Variants in KMT5A observed in about 807,000 individuals in gnomAD.
KMT5A encodes lysine methyltransferase 5A.
Under a neutral mutation model 40.6 loss-of-function variants are expected in KMT5A, and 6 were observed. The ratio of observed to expected loss-of-function variants is 0.15; its 90% CI spans 0.08 to 0.29. The LOEUF (loss-of-function observed/expected upper bound fraction) is 0.29. Ranked by LOEUF, KMT5A falls within the 10% of genes least tolerant of loss-of-function variation. The pLI is 1.00. For synonymous variants in KMT5A, 153 were observed against 178.8 expected, an observed-to-expected ratio of 0.86 and a Z score of 1.15; for missense variants, 308 against 459.1, an observed-to-expected ratio of 0.67 and a Z score of 3.01.
At chr12:123,402,354 C>T (rs970722280) in intron 5 of KMT5A, among the ~76,000 whole-genome samples, 1 of 152,200 alleles carries the variant, frequency 6.6e-6, no homozygotes, top group Non-Finnish European at 1.5e-5. Context: ...GGATTTGGGA[C>T]TGTCCTTGAG....
At chr12:123,397,747 A>C (rs1016764407) in intron 5 of KMT5A, among the ~76,000 whole-genome samples, 1 of 149,190 alleles carries the variant, frequency 6.7e-6, no homozygotes, top group Non-Finnish European at 1.5e-5. Flanking sequence ...ACTCACCGCA[A>C]CCTCCATCTC....
At chr12:123,397,842 T>C (rs990904916) in intron 5 of KMT5A, among the ~76,000 whole-genome samples, 2 of 658 alleles carry the variant, frequency 3.0e-3, no homozygotes, top group African/African-American at 0.02. Flanking sequence ...AATTTTGTAT[T>C]TTTTTTTTTT....
intron 6 of KMT5A, among the ~76,000 whole-genome samples, chr12:123,404,022 G>C (rs1026100345): frequency 3.3e-5 from 5 of 151,992 alleles, no homozygotes; most frequent in Non-Finnish European, 7.4e-5. Flanking sequence ...CCCCTGCCCA[G>C]CCCCTGGCAG....
chr12:123,386,870 T>C (rs983894952), intron 1 of KMT5A, among the ~76,000 whole-genome samples: 1 of 152,092 alleles, frequency 6.6e-6, no homozygotes, highest in Admixed American at 6.6e-5. Flanking sequence ...TTCTTTTTTT[T>C]TGGGAGACAG....
chr12:123,397,635 G>T (rs1268275374), intron 5 of KMT5A, among the ~76,000 whole-genome samples: 1 of 148,188 alleles, frequency 6.7e-6, no homozygotes, highest in Non-Finnish European at 1.5e-5. Flanking sequence ...TAAAACATTT[G>T]TCAGCAGTGG....
intron 6 of KMT5A, 87 bp from the exon 7 acceptor site, chr12:123,404,797 G>C (rs1381446362): frequency 9.7e-6 from 13 of 1,334,408 alleles, no homozygotes; most frequent in Non-Finnish European, 1.2e-5. Flanking sequence ...TTAAAGACTG[G>C]GGTAAGCCCC....
At chr12:123,398,430 G>A (rs28546238) in intron 5 of KMT5A, among the ~76,000 whole-genome samples, 134,365 of 152,224 alleles carry the variant, frequency 0.88, 59,423 homozygotes, top group Middle Eastern at 0.95. Flanking sequence ...ACTTTAGGGT[G>A]GGGGGAGCCG....
Position 123,407,996 on chromosome 12 carries a change from ACT to A in KMT5A, c.*295_*296del, listed in dbSNP as rs961884825. 5 of 352,248 alleles carry A rather than the reference ACT, an allele frequency of 1.4e-5. No homozygotes were observed. The highest frequency in any genetic ancestry group is 2.1e-5 in the African/African-American group (1 of 47,230). The allele number at this position is 352,248 out of a possible 1,614,324, so 21.8% of individuals were successfully genotyped here. On this transcript the variant is annotated 3_prime_UTR_variant, in exon 8 of 8. Transcript: ENST00000402868. ...GTGCTTCCCGTGCATGCAGTCAAAG[ACT>A]CAGCACAGGTTTTAGAGGAAATAGT...
At position 123,384,177 on chromosome 12, in the gene KMT5A, C is replaced by A; in HGVS notation, c.-22C>A. 6.2e-7 allele frequency: 1 copy of A among 1,613,598 alleles called. No homozygotes were observed. Among genetic ancestry groups the A allele is most frequent in the African/African-American group, 1.3e-5 (1 of 75,030 alleles). On this transcript the variant is annotated 5_prime_UTR_variant, in exon 1 of 8. Transcript: ENST00000402868. The surrounding 1 kb of genome is among the most constrained non-coding windows in gnomAD (Gnocchi z 5.7). ...GAAAGCTGGGTTTCCCGGGAGATCC[C>A]AGGCGGTGACAGAGTGGAGCCATGG...
At chr12:123,405,517 CTTTTTTTTTTTTTTTT>C (rs35093204) in intron 7 of KMT5A, among the ~76,000 whole-genome samples, 3 of 78,026 alleles carry the variant, frequency 3.8e-5, no homozygotes, top group African/African-American at 1.7e-4. Flanking sequence ...CGCCTGCTTC[CTTTTTTTTTTTTTTTT>C]TTTTTTTTTT....
intron 5 of KMT5A, among the ~76,000 whole-genome samples, chr12:123,398,037 C>G (rs1355045917): frequency 6.6e-6 from 1 of 150,486 alleles, no homozygotes; most frequent in African/African-American, 2.4e-5. Flanking sequence ...AATCCTAGCA[C>G]TTTGGGAGGC....
chr12:123,384,145 T>G lies in KMT5A; in HGVS notation c.-54T>G. 6.2e-7 allele frequency: 1 copy of G among 1,610,010 alleles called. No homozygotes were observed. The stretch of plus-strand genomic sequence containing the variant: ...GAGCAGTTGGCTGAGTTGTTGCAAC[T>G]TTTTTCGAAAGCTGGGTTTCCCGGG... On this transcript the variant is annotated 5_prime_UTR_variant, in exon 1 of 8. Coordinates refer to ENST00000402868, the MANE Select transcript of KMT5A (RefSeq NM_020382.7). The surrounding 1 kb of genome is among the most constrained non-coding windows in gnomAD (Gnocchi z 5.7).
chr12:123,389,248 C>T (rs1476898312), intron 1 of KMT5A, 185 bp from the exon 2 acceptor site: 12 of 159,952 alleles, frequency 7.5e-5, no homozygotes, highest in Non-Finnish European at 1.3e-4. Context: ...GGCCGGGCGG[C>T]GGGAGGGCGA....
At chr12:123,400,198 G>A (rs1335252910) in intron 5 of KMT5A, among the ~76,000 whole-genome samples, 1 of 150,858 alleles carries the variant, frequency 6.6e-6, no homozygotes, top group Non-Finnish European at 1.5e-5. Context: ...ACCACGCCCG[G>A]CTAATTTTTG....
At chr12:123,396,675 T>C (rs1221338561) in intron 5 of KMT5A, among the ~76,000 whole-genome samples, 1 of 152,174 alleles carries the variant, frequency 6.6e-6, no homozygotes, top group East Asian at 1.9e-4. Context: ...CCTTGTGACT[T>C]GTAGCATGTG....
intron 3 of KMT5A, among the ~76,000 whole-genome samples, chr12:123,392,432 A>G (rs770195890): frequency 6.6e-6 from 1 of 152,090 alleles, no homozygotes; most frequent in Non-Finnish European, 1.5e-5. Context: ...CCAAGGCAGG[A>G]GGATTGCTTG....
intron 4 of KMT5A, 97 bp downstream of exon 4, chr12:123,395,363 A>C: frequency 8.3e-7 from 1 of 1,199,918 alleles, no homozygotes; most frequent in Non-Finnish European, 1.2e-6. Flanking sequence ...TTCAGTGGCC[A>C]CCTCTCAGCC....
chr12:123,398,931 C>T lies in KMT5A; in HGVS notation c.597+2499C>T, dbSNP rs116265083. On this transcript the variant is annotated intron_variant, in intron 5 of 7. Coordinates refer to ENST00000402868, the MANE Select transcript of KMT5A (RefSeq NM_020382.7). ...ATTCAGAGCCTCTTATATACCTCCA[C>T]TGAGGCTGAAGACAGCAGCCAGGGC... Among the ~76,000 whole-genome samples the T allele has an allele frequency of 2.5e-3, 379 of 152,376 alleles. 3 individuals are homozygous for T. The highest frequency in any genetic ancestry group is 8.8e-3 in the African/African-American group (365 of 41,590).
rs138361103 is a variant in KMT5A, at chr12:123,403,087, A to G, written c.598-486A>G. 3.2e-3 allele frequency among the ~76,000 whole-genome samples: 483 copies of G among 152,304 alleles called. 5 individuals carry two copies. Among genetic ancestry groups the G allele is most frequent in the African/African-American group, 0.011 (468 of 41,578 alleles). ...CACCTGGCTAATTTTTGTATCTTTA[A>G]TAGAGACAGGGTTTTACCTATTTGC... On this transcript the variant is annotated intron_variant, in intron 5 of 7. Transcript: ENST00000402868.
Sources: gnomAD v4.1 joint callset for allele counts (sites outside exome capture counted in the v4.1 genomes callset) on GRCh38, gnomAD v4.1.1 for gene constraint, Gnocchi (gnomAD v3.1) non-coding constraint, MANE v1.5 for transcripts, NCBI Gene and HGNC (gene_info 2026-07-23, HGNC 2026-07-21) for gene names.